Variants in ALG8 observed in about 807,000 individuals in gnomAD.
ALG8 encodes the protein ALG8 alpha-1,3-glucosyltransferase.
In ALG8, 48 loss-of-function variants were observed where a neutral mutation model predicts 70.2. The ratio of observed to expected loss-of-function variants is 0.68; its 90% CI spans 0.54 to 0.87. The LOEUF is 0.87. Ranked by LOEUF, ALG8 falls within the 40% of genes least tolerant of loss-of-function variation. ALG8 has a pLI of 0.00. For missense variants in ALG8, 572 were observed against 608.7 expected, an observed-to-expected ratio of 0.94 and a Z score of 0.64; for synonymous variants, 234 against 229.0, an observed-to-expected ratio of 1.02 and a Z score of -0.20.
chr11:78,136,444 G>A (rs1861555733), intron 1 of ALG8, among the ~76,000 whole-genome samples: 1 of 152,184 alleles, frequency 6.6e-6, no homozygotes, highest in South Asian at 2.1e-4. Flanking sequence ...GGCTGAGGGA[G>A]GAAGGCTGCT....
rs1031676586 is a variant in ALG8 at position 78,114,322 on chromosome 11, G to A, written c.617C>T (p.Ala206Val). 5 of 1,614,012 alleles carry A rather than the reference G, an allele frequency of 3.1e-6. No homozygotes were observed. In the African/African-American group the frequency reaches 6.7e-5, roughly 22 times the overall value. Reference sequence around the variant, plus strand: ...CAGCAGATATACACCATAAGCTGGTGCTACATAGAGGTAGATATGCTTGAA... The same window carrying A: ...CAGCAGATATACACCATAAGCTGGTACTACATAGAGGTAGATATGCTTGAA... ...LHFKHIYLYV[A>V]PAYGVYLLRS... is the part of the protein sequence containing the mutation. Residue 206 changes from alanine to valine, a missense_variant, in exon 6 of 13, where the codon GCA (alanine) becomes GTA (valine). Ala to Val is a moderately conservative substitution (Grantham distance 64). Transcript: ENST00000299626.
intron 3 of ALG8, among the ~76,000 whole-genome samples, chr11:78,121,761 G>A (rs1860836135): frequency 6.6e-6 from 1 of 152,004 alleles, no homozygotes; most frequent in Non-Finnish European, 1.5e-5. Context: ...TGCAGACCAG[G>A]CTAATTTAAC....
chr11:78,108,053 G>A (rs1860123470), intron 9 of ALG8, among the ~76,000 whole-genome samples: 1 of 151,938 alleles, frequency 6.6e-6, no homozygotes, highest in African/African-American at 2.4e-5. Flanking sequence ...GCCGAGGTGG[G>A]CGGATCACGA....
At chr11:78,110,183 C>CT (rs1197763229) in intron 8 of ALG8, among the ~76,000 whole-genome samples, 2,895 of 147,658 alleles carry the variant, frequency 0.02, 107 homozygotes, top group African/African-American at 0.067. Context: ...TGTGAGCTCA[C>CT]TTTTTTTTTT....
At chr11:78,122,127 T>C (rs1248938062) in intron 3 of ALG8, among the ~76,000 whole-genome samples, 1 of 152,142 alleles carries the variant, frequency 6.6e-6, no homozygotes, top group African/African-American at 2.4e-5. Flanking sequence ...ATTGAAAATG[T>C]GCTACATTTG....
chr11:78,110,134 T>C (rs2136893614), intron 8 of ALG8, among the ~76,000 whole-genome samples: 1 of 152,170 alleles, frequency 6.6e-6, no homozygotes. Context: ...TTCAATCACC[T>C]GAGAAAGCTC....
chr11:78,137,643 G>A (rs1365139248), intron 1 of ALG8: 1 of 152,216 alleles, frequency 6.6e-6, no homozygotes, highest in Non-Finnish European at 1.5e-5. Flanking sequence ...TCAACAGCAA[G>A]GCCTGAGGAG....
intron 12 of ALG8, among the ~76,000 whole-genome samples, chr11:78,101,846 A>G (rs1224496823): frequency 6.6e-6 from 1 of 152,052 alleles, no homozygotes; most frequent in Non-Finnish European, 1.5e-5. Flanking sequence ...AGATTTAAAA[A>G]AAATTTTCTT....
In ALG8 at chr11:78,114,334, T is replaced by C. The variant is rs766260217; in HGVS notation, c.605A>G (p.Tyr202Cys). Reference protein sequence around the residue: ...FAVLLHFKHIYLYVAPAYGVY... With the variant: ...FAVLLHFKHICLYVAPAYGVY... ...ACCATAAGCTGGTGCTACATAGAGGTAGATATGCTTGAAATGTAGGAGAAC... is the reference window on the plus strand; with the variant it reads ...ACCATAAGCTGGTGCTACATAGAGGCAGATATGCTTGAAATGTAGGAGAAC... Residue 202 changes from tyrosine to cysteine, a missense_variant, in exon 6 of 13, where the codon TAC (tyrosine) becomes TGC (cysteine). Tyr to Cys is a radical substitution (Grantham distance 194). Coordinates refer to ENST00000299626, the MANE Select transcript of ALG8 (RefSeq NM_024079.5). The C allele has an allele frequency of 4.3e-6, 7 of 1,613,850 alleles. No homozygotes were observed. The East Asian group carries it at 1.3e-4, about 31-fold the overall frequency.
intron 6 of ALG8, 126 bp downstream of exon 6, chr11:78,114,140 G>A: frequency 2.8e-6 from 4 of 1,434,532 alleles, no homozygotes; most frequent in Middle Eastern, 1.7e-4. Context: ...AATGGGTAAA[G>A]GGCTTACAGG....
In ALG8 at chr11:78,112,663, C is replaced by T; in HGVS notation, c.885G>A (p.Val295=). 1 of 1,613,916 alleles carries T rather than the reference C, an allele frequency of 6.2e-7. No individual in the cohort carries two copies. The highest frequency in any genetic ancestry group is 8.5e-7 in the Non-Finnish European group (1 of 1,179,850). ...FWALYNALDK[V]LSVIGLKLKF... is the part of the protein sequence containing the mutation. The stretch of plus-strand genomic sequence containing the variant: ...TCGCTACCATACCGATGACAGACAG[C>T]ACTTTGTCCAAAGCATTGTACAAAG... The change falls in exon 8 of 13, where the codon GTG becomes GTA. Residue 295 remains valine (V), a synonymous_variant. Transcript: ENST00000299626.
chr11:78,138,231 C>T (rs7929144), intron 1 of ALG8, among the ~76,000 whole-genome samples: 2,286 of 151,998 alleles, frequency 0.015, 19 homozygotes, highest in Middle Eastern at 0.031. Flanking sequence ...AGCCTGTAAT[C>T]CCAGCTACTC....
intron 1 of ALG8, chr11:78,139,153 C>T (rs1351391851): frequency 1.6e-5 from 6 of 386,070 alleles, no homozygotes; most frequent in Non-Finnish European, 2.4e-5. Flanking sequence ...CACCGCATCT[C>T]CCGGGAGTTA....
At position 78,139,609 on chromosome 11, in the gene ALG8, C is replaced by T; in HGVS notation, c.-21G>A. On this transcript the variant is annotated 5_prime_UTR_variant, in exon 1 of 13. Coordinates refer to ENST00000299626, the MANE Select transcript of ALG8 (RefSeq NM_024079.5). ...GCCATTGCTGCGGCACCGCACGCTT[C>T]CCACCAACTTGATCCACATCCGGGA... 1 of 1,550,926 alleles carries T rather than the reference C, an allele frequency of 6.4e-7. No homozygotes were observed. The highest frequency in any genetic ancestry group is 8.7e-7 in the Non-Finnish European group (1 of 1,146,264).
rs1860466339 is a variant in ALG8, at chr11:78,114,490, A to G, written c.547-98T>C. The G allele has an allele frequency of 4.9e-6, 7 of 1,431,676 alleles. No homozygotes were observed. In the East Asian group the frequency reaches 1.7e-4, roughly 35 times the overall value. 88.7% of individuals were successfully genotyped at this position (1,431,676 alleles called of 1,614,324 possible). On this transcript the variant is annotated intron_variant, in intron 5 of 12. Transcript: ENST00000299626. Reference sequence around the variant, plus strand: ...TTGAATCCTGGAACAGAACAAGGACATTAAAGGAAAAACGGGTGAAATTCA... The same window carrying G: ...TTGAATCCTGGAACAGAACAAGGACGTTAAAGGAAAAACGGGTGAAATTCA...
At chr11:78,110,482 G>A (rs1015459473) in intron 8 of ALG8, among the ~76,000 whole-genome samples, 1 of 152,192 alleles carries the variant, frequency 6.6e-6, no homozygotes, top group Non-Finnish European at 1.5e-5. Context: ...CTGAGCCAAC[G>A]TGCACAGCTG....
At chr11:78,136,611 T>G (rs933438221) in intron 1 of ALG8, among the ~76,000 whole-genome samples, 3 of 152,234 alleles carry the variant, frequency 2.0e-5, no homozygotes, top group Non-Finnish European at 4.4e-5. Flanking sequence ...TAAATAGATG[T>G]GCTGTCATCC....
In ALG8 at chr11:78,139,529, C is replaced by T. The variant is rs1861706047; in HGVS notation, c.60G>A (p.Gly20=). ...TGAGAAGGCATTTGAGAAGAGTCAC[C>T]CCGAGCGCCAAAGCCGAAAACCAAT... The part of the protein sequence containing the change: ...TGNWFSALAL[G]VTLLKCLLIP... Residue 20 remains glycine, a synonymous_variant, in exon 1 of 13, where the codon GGG becomes GGA. Transcript: ENST00000299626. The T allele has an allele frequency of 1.3e-6, 2 of 1,563,914 alleles. No homozygotes were observed. Among genetic ancestry groups the T allele is most frequent in the Non-Finnish European group, 1.7e-6 (2 of 1,153,730 alleles).
chr11:78,121,205 ACAACTTTGATCTT>A, intron 3 of ALG8, 31 bp from the exon 4 acceptor site: 1 of 1,497,180 alleles, frequency 6.7e-7, no homozygotes, highest in South Asian at 1.1e-5. Flanking sequence ...AGAAACAGAA[ACAACTTTGATCTT>A]CATCGGAACA....
Sources: allele counts gnomAD v4.1 joint callset (sites outside exome capture counted in the v4.1 genomes callset), GRCh38; gene constraint gnomAD v4.1.1; transcripts MANE v1.5; gene names NCBI Gene and HGNC (gene_info 2026-07-23, HGNC 2026-07-21).